The following NCAPG2 variants were observed in gnomAD, a reference collection of about 807,000 sequenced individuals.
NCAPG2 encodes non-SMC condensin II complex subunit G2.
Under a neutral mutation model 141.1 loss-of-function variants are expected in NCAPG2, and 53 were observed. The ratio of observed to expected loss-of-function variants is 0.38; its 90% CI spans 0.30 to 0.47. The LOEUF (loss-of-function observed/expected upper bound fraction) is 0.47. NCAPG2 is among the 20% of genes least tolerant of loss of function. The pLI is 0.99. For synonymous variants in NCAPG2, 499 were observed against 490.7 expected, an observed-to-expected ratio of 1.02 and a Z score of -0.22; for missense variants, 1,087 against 1,389.0, an observed-to-expected ratio of 0.78 and a Z score of 3.46.
intron 27 of NCAPG2, among the ~76,000 whole-genome samples, chr7:158,637,076 C>A (rs971282815): frequency 1.3e-5 from 2 of 151,766 alleles, no homozygotes; most frequent in African/African-American, 4.8e-5. Flanking sequence ...GCCTCCCGAG[C>A]AGCTGGGACT....
At chr7:158,691,248 CATAATT>C (rs1263558049) in intron 4 of NCAPG2, among the ~76,000 whole-genome samples, 1 of 152,190 alleles carries the variant, frequency 6.6e-6, no homozygotes, top group African/African-American at 2.4e-5. Flanking sequence ...TACTAATGCT[CATAATT>C]ATAATCTGTA....
chr7:158,679,629 C>A lies in NCAPG2; in HGVS notation c.1146+331G>T, dbSNP rs146390925. ...GACTCTGACCCCAGAGAGCAGGGGG[C>A]TGACACCAGAGCATGTGCTTTACCC... On this transcript the variant is annotated intron_variant, in intron 11 of 27. Transcript: ENST00000356309. Among the ~76,000 whole-genome samples the A allele has an allele frequency of 1.4e-4, 21 of 152,302 alleles. 1 individual carries two copies. The highest frequency in any genetic ancestry group is 4.6e-4 in the African/African-American group (19 of 41,570).
intron 13 of NCAPG2, 184 bp from the exon 14 acceptor site, chr7:158,664,934 T>C: frequency 3.5e-6 from 2 of 579,002 alleles, no homozygotes; most frequent in Non-Finnish European, 6.0e-6. Context: ...AATAAATCTA[T>C]ATTTTTAAAA....
At chr7:158,696,476 A>G (rs1835450660) in intron 2 of NCAPG2, 1 of 152,242 alleles carries the variant, frequency 6.6e-6, no homozygotes, top group African/African-American at 2.4e-5. Context: ...TGATTATATA[A>G]CAGAATATCT....
Position 158,662,363 on chromosome 7 carries a change from A to G in NCAPG2, c.1820T>C (p.Leu607Pro). 6.4e-7 allele frequency: 1 copy of G among 1,553,412 alleles called. No homozygotes were observed. The highest frequency in any genetic ancestry group is 8.7e-7 in the Non-Finnish European group (1 of 1,153,044). The change falls in exon 16 of 28, where the codon CTG becomes CCG. Residue 607 changes from leucine to proline, a missense_variant. Leu to Pro is a moderately conservative substitution (Grantham distance 98, BLOSUM62 -3). Transcript: ENST00000356309. ...DGREKENVTVLDKTLSVNDVA... is the reference protein window; with the variant it reads ...DGREKENVTVPDKTLSVNDVA... ...ATCGTTTACTGACAGTGTTTTGTCCAGAACCTAAGATAAAAATAATTTTAT... is the reference window on the plus strand; with the variant it reads ...ATCGTTTACTGACAGTGTTTTGTCCGGAACCTAAGATAAAAATAATTTTAT...
chr7:158,699,046 A>C (rs1835629659), intron 2 of NCAPG2, among the ~76,000 whole-genome samples: 1 of 152,062 alleles, frequency 6.6e-6, no homozygotes, highest in African/African-American at 2.4e-5. Flanking sequence ...AGCCTCCCAA[A>C]GCTCTGGAAT....
At chr7:158,680,580 AC>A (rs1192522164) in intron 10 of NCAPG2, 140 bp downstream of exon 10, 7 of 496,950 alleles carry the variant, frequency 1.4e-5, no homozygotes, top group African/African-American at 1.4e-4. Context: ...AAAGAAAAAA[AC>A]ATTTGTTCAA....
In NCAPG2 at chr7:158,690,569, G is replaced by C. The variant is rs1835054374; in HGVS notation, c.536C>G (p.Thr179Arg). Residue 179 changes from threonine (T) to arginine (R), a missense_variant and splice_region_variant, in exon 5 of 28, where the codon ACA becomes AGA. Coordinates refer to ENST00000356309, the MANE Select transcript of NCAPG2 (RefSeq NM_017760.7). Reference sequence around the variant, plus strand: ...TAAAAAAATAAAAAGTGAGCATACTGTCTTAGTCTCCAGACTCCTCCTTAG... The same window carrying C: ...TAAAAAAATAAAAAGTGAGCATACTCTCTTAGTCTCCAGACTCCTCCTTAG... ...MLLRRSLETK[T>R]GADVCRLWRI... The C allele has an allele frequency of 1.9e-6, 3 of 1,613,426 alleles. No individual in the cohort carries two copies. Among genetic ancestry groups the C allele is most frequent in the East Asian group, 2.2e-5 (1 of 44,866 alleles).
intron 11 of NCAPG2, among the ~76,000 whole-genome samples, chr7:158,678,668 AC>A (rs1474404044): frequency 3.3e-5 from 5 of 151,052 alleles, no homozygotes. Flanking sequence ...AGGCTGGGAG[AC>A]AGAGCACGAC....
rs1158177993 is a variant in NCAPG2 at position 158,658,375 on chromosome 7, T to C, written c.2023A>G (p.Met675Val). 1 of 1,612,522 alleles carries C rather than the reference T, an allele frequency of 6.2e-7. No individual in the cohort carries two copies. Among genetic ancestry groups the C allele is most frequent in the Non-Finnish European group, 8.5e-7 (1 of 1,179,216 alleles). ...ACAGCAGAGGCCGGCATAAAGGACA[T>C]TAGCATGAATAAAGGGATCTTGCAG... ...DRCKIPLFML[M>V]SFMPASAVPP... Residue 675 changes from methionine (M) to valine (V), a missense_variant, in exon 17 of 28, where the codon ATG (methionine) becomes GTG (valine). By Grantham distance (21) the Met-to-Val change is conservative. Transcript: ENST00000356309.
intron 16 of NCAPG2, among the ~76,000 whole-genome samples, chr7:158,658,857 A>G (rs7800868): frequency 0.031 from 4,701 of 152,212 alleles, 192 homozygotes; most frequent in African/African-American, 0.099. Context: ...ACAAAATCAG[A>G]ATATCTTTAG....
intron 27 of NCAPG2, among the ~76,000 whole-genome samples, chr7:158,637,578 C>CTGGCCCACCCCATCCGAGCCA (rs1830368947): frequency 3.9e-5 from 6 of 151,918 alleles, no homozygotes; most frequent in South Asian, 2.1e-4. Context: ...AGCTCCGGCT[C>CTGGCCCACCCCATCCGAGCCA]CAGCAGCTCC....
intron 11 of NCAPG2, among the ~76,000 whole-genome samples, chr7:158,676,337 T>G (rs1834047711): frequency 6.6e-6 from 1 of 152,144 alleles, no homozygotes; most frequent in Non-Finnish European, 1.5e-5. Flanking sequence ...ACAGCAAGTT[T>G]TAAGAAAACA....
rs542931218 is a variant in NCAPG2 at position 158,687,331 on chromosome 7, G to A, written c.767+17C>T. On this transcript the variant is annotated intron_variant, in intron 7 of 27. Coordinates refer to ENST00000356309, the MANE Select transcript of NCAPG2 (RefSeq NM_017760.7). ...AGATTAAGACAGCACAAAATCTTCA[G>A]TACTTTTAACACTTACTTTTGTAAT... 1 of 1,564,378 alleles carries A rather than the reference G, an allele frequency of 6.4e-7. No homozygotes were observed. The highest frequency in any genetic ancestry group is 1.2e-5 in the South Asian group (1 of 86,376).
chr7:158,687,878 T>C (rs1256862848), intron 6 of NCAPG2, among the ~76,000 whole-genome samples: 2 of 152,192 alleles, frequency 1.3e-5, no homozygotes, highest in Non-Finnish European at 2.9e-5. Flanking sequence ...TGAGGACTCA[T>C]ATAGTTAAAA....
chr7:158,691,855 A>G (rs1402152866), intron 4 of NCAPG2, among the ~76,000 whole-genome samples: 3 of 152,238 alleles, frequency 2.0e-5, no homozygotes, highest in Non-Finnish European at 2.9e-5. Context: ...AGTTGACACT[A>G]TCTAGCAATG....
Position 158,652,584 on chromosome 7 carries a change from G to A in NCAPG2, c.2747-104C>T. On this transcript the variant is annotated intron_variant, in intron 22 of 27. Transcript: ENST00000356309. ...ATGTATAAAATGGTAACAAAAAAGA[G>A]ATTATTACACTTTGGTATTTGGTGA... is the stretch of plus-strand genomic sequence containing the variant. The A allele has an allele frequency of 4.2e-6, 4 of 946,924 alleles. No individual in the cohort carries two copies. In the South Asian group the frequency reaches 6.9e-5, roughly 16 times the overall value. The allele number at this position is 946,924 out of a possible 1,614,324, so 58.7% of individuals were successfully genotyped here. A position where few individuals can be genotyped will look rare whatever the true frequency, so the allele number is the denominator to read the frequency against.
chr7:158,645,283 C>T (rs777423443), intron 26 of NCAPG2, among the ~76,000 whole-genome samples: 7 of 152,180 alleles, frequency 4.6e-5, no homozygotes, highest in Admixed American at 1.3e-4. Context: ...AACAGGACCT[C>T]CACCACTGAA....
At chr7:158,701,767 A>G in intron 2 of NCAPG2, 55 bp downstream of exon 2, 1 of 1,439,498 alleles carries the variant, frequency 6.9e-7, no homozygotes, top group Non-Finnish European at 9.8e-7. Context: ...TGACTTTAGA[A>G]CATATTTCAT....
Sources: gnomAD v4.1 joint callset for allele counts (sites outside exome capture counted in the v4.1 genomes callset) on GRCh38, gnomAD v4.1.1 for gene constraint, MANE v1.5 for transcripts, NCBI Gene and HGNC (gene_info 2026-07-23, HGNC 2026-07-21) for gene names.